ASGR2: variants seen among roughly 807,000 people sequenced by gnomAD.
ASGR2 encodes the protein asialoglycoprotein receptor 2.
In ASGR2, 34 loss-of-function variants were observed where a neutral mutation model predicts 32.3. The observed-to-expected ratio is 1.05, with a 90% CI of 0.80 to 1.40. ASGR2 has a LOEUF of 1.40. ASGR2 is among the 40% of genes most tolerant of loss of function. The pLI is 0.00. For synonymous variants in ASGR2, 143 were observed against 150.0 expected (o/e 0.95, Z 0.34); for missense variants, 385 against 386.4 (o/e 1.00, Z 0.03).
chr17:7,114,770 T>C lies in ASGR2; in HGVS notation c.-226A>G, dbSNP rs1314356531. ...TCCGGGCAAGGCCTGCACTGGAGGG[T>C]CTGAGTGTCCAAGCTCTAACCTGGC... On this transcript the variant is annotated 5_prime_UTR_variant, in exon 1 of 9. Coordinates refer to ENST00000691900, the MANE Select transcript of ASGR2 (RefSeq NM_001201352.2). This position sits in a 1 kb window ranked among gnomAD's most constrained non-coding sequence, Gnocchi z 4.5. The C allele has an allele frequency of 2.0e-6, 2 of 991,820 alleles. No homozygotes were observed. The allele number at this position is 991,820 out of a possible 1,614,324, so 61.4% of individuals were successfully genotyped here.
At chr17:7,104,061 A>C (rs1453301058) in intron 7 of ASGR2, among the ~76,000 whole-genome samples, 1 of 151,992 alleles carries the variant, frequency 6.6e-6, no homozygotes, top group Admixed American at 6.6e-5. Context: ...CATACTAAAA[A>C]AAAAAGCCCA....
chr17:7,107,334 G>T lies in ASGR2; in HGVS notation c.410-17C>A. The T allele has an allele frequency of 1.9e-6, 3 of 1,610,396 alleles. No homozygotes were observed. In the African/African-American group the frequency reaches 4.0e-5, roughly 21 times the overall value. On this transcript the variant is annotated splice_polypyrimidine_tract_variant and intron_variant, in intron 5 of 8. Transcript: ENST00000691900. The surrounding 1 kb of genome is among the most constrained non-coding windows in gnomAD (Gnocchi z 5.0). ...CATCGTGATCTAGGACAGACAGGCT[G>T]AAAGTGCTGCCGGCAGGTGTGGTCC...
In ASGR2 at chr17:7,113,579, ACACT is replaced by A. The variant is rs1026776030; in HGVS notation, c.124+534_124+537del. On this transcript the variant is annotated intron_variant, in intron 2 of 8. Transcript: ENST00000691900. The surrounding 1 kb of genome is among the most constrained non-coding windows in gnomAD (Gnocchi z 5.1). Reference sequence around the variant, plus strand: ...CACACAACATACACACAACATACACACACTCACATACACAACATACACTCGCACA... The same window carrying A: ...CACACAACATACACACAACATACACACACATACACAACATACACTCGCACA... Among the ~76,000 whole-genome samples the A allele has an allele frequency of 6.6e-5, 10 of 151,718 alleles. No homozygotes were observed. Among genetic ancestry groups the A allele is most frequent in the East Asian group, 3.9e-4 (2 of 5,168 alleles).
intron 2 of ASGR2, among the ~76,000 whole-genome samples, chr17:7,111,862 G>A (rs11867628): frequency 1.8e-4 from 27 of 147,822 alleles, no homozygotes; most frequent in African/African-American, 6.8e-4. Flanking sequence ...CCTCTACATG[G>A]CAAAACCGTC....
intron 7 of ASGR2, among the ~76,000 whole-genome samples, chr17:7,103,171 A>G (rs750938507): frequency 6.6e-6 from 1 of 152,226 alleles, no homozygotes; most frequent in Non-Finnish European, 1.5e-5. Context: ...TCCTTCCAAC[A>G]GTATTTGAAG....
In ASGR2 at chr17:7,108,540, C is replaced by T; in HGVS notation, c.259G>A (p.Glu87Lys). Residue 87 changes from glutamate to lysine, a missense_variant, in exon 4 of 9, where the codon GAG becomes AAG. By Grantham distance (56) the Glu-to-Lys change is moderately conservative (BLOSUM62 1). Transcript: ENST00000691900. This position sits in a 1 kb window ranked among gnomAD's most constrained non-coding sequence, Gnocchi z 4.9. Reference sequence around the variant, plus strand: ...AAAGCTTCCTTCAGGCTCCGCAGCTCGGCTTGCAGCTGTGCACCTTGTCAG... The same window carrying T: ...AAAGCTTCCTTCAGGCTCCGCAGCTTGGCTTGCAGCTGTGCACCTTGTCAG... ...TGSQSAQLQA[E>K]LRSLKEAFSN... is the part of the protein sequence containing the mutation. 5 of 1,608,168 alleles carry T rather than the reference C, an allele frequency of 3.1e-6. No individual in the cohort carries two copies. The highest frequency in any genetic ancestry group is 3.4e-6 in the Non-Finnish European group (4 of 1,177,590).
At position 7,113,403 on chromosome 17, in the gene ASGR2, ACT is replaced by A. The variant is rs1430453275; in HGVS notation, c.124+712_124+713del. On this transcript the variant is annotated intron_variant, in intron 2 of 8. Transcript: ENST00000691900. The surrounding 1 kb of genome is among the most constrained non-coding windows in gnomAD (Gnocchi z 5.1). ...CACAACATACACACACAACACACAC[ACT>A]CGCACAACATACACACACGCACAAC... Among the ~76,000 whole-genome samples the A allele has an allele frequency of 2.7e-5, 4 of 150,592 alleles. No individual in the cohort carries two copies. The highest frequency in any genetic ancestry group is 6.6e-5 in the Admixed American group (1 of 15,062).
rs900628639 is a variant in ASGR2 at position 7,114,366 on chromosome 17, C to T, written c.-70-56G>A. 1.7e-5 allele frequency: 7 copies of T among 409,484 alleles called. No homozygotes were observed. Among genetic ancestry groups the T allele is most frequent in the East Asian group, 7.8e-5 (1 of 12,814 alleles). The allele number at this position is 409,484 out of a possible 1,614,324, so 25.4% of individuals were successfully genotyped here. On this transcript the variant is annotated intron_variant, in intron 1 of 8. Transcript: ENST00000691900. The surrounding 1 kb of genome is among the most constrained non-coding windows in gnomAD (Gnocchi z 4.5). ...TTGATGGTGGGATGGAACGCAGGGT[C>T]GGAGGGGTTCGGGGTGGTGGCCTGG...
In ASGR2 at chr17:7,107,760, C is replaced by T. The variant is rs577167945; in HGVS notation, c.409+76G>A. ...ACGCACACGTGCACACTACACACAC[C>T]GCACACGTACACACTACACACACCG... On this transcript the variant is annotated intron_variant, in intron 5 of 8. Transcript: ENST00000691900. This position sits in a 1 kb window ranked among gnomAD's most constrained non-coding sequence, Gnocchi z 5.0. The T allele has an allele frequency of 7.6e-6, 4 of 526,968 alleles. No individual in the cohort carries two copies. Among genetic ancestry groups the T allele is most frequent in the Middle Eastern group, 4.3e-4 (1 of 2,316 alleles). The allele number at this position is 526,968 out of a possible 1,614,324, so 32.6% of individuals were successfully genotyped here.
Position 7,108,639 on chromosome 17 carries a change from C to T in ASGR2, c.242-82G>A. 6.2e-7 allele frequency: 1 copy of T among 1,601,068 alleles called. No individual in the cohort carries two copies. Among genetic ancestry groups the T allele is most frequent in the Non-Finnish European group, 8.5e-7 (1 of 1,171,720 alleles). Reference sequence around the variant, plus strand: ...TCCATGTGACTGGCCCCTCAATGTCCCCGCATTTGCCCCAGCTTGTGCTCC... The same window carrying T: ...TCCATGTGACTGGCCCCTCAATGTCTCCGCATTTGCCCCAGCTTGTGCTCC... On this transcript the variant is annotated intron_variant, in intron 3 of 8. Coordinates refer to ENST00000691900, the MANE Select transcript of ASGR2 (RefSeq NM_001201352.2). The surrounding 1 kb of genome is among the most constrained non-coding windows in gnomAD (Gnocchi z 4.9).
In ASGR2 at chr17:7,102,126, T is replaced by C; in HGVS notation, c.719A>G (p.Lys240Arg). ...IGLTDSDGSW[K>R]WVDGTDYRHN... Reference sequence around the variant, plus strand: ...CCTATAGTCTGTGCCATCCACCCATTTCCAAGAGCCATCACTGTCCGTGAG... The same window carrying C: ...CCTATAGTCTGTGCCATCCACCCATCTCCAAGAGCCATCACTGTCCGTGAG... Residue 240 changes from lysine (K) to arginine (R), a missense_variant, in exon 8 of 9, where the codon AAA becomes AGA. Lys to Arg is a conservative substitution (Grantham distance 26). Transcript: ENST00000691900. 6.2e-7 allele frequency: 1 copy of C among 1,614,164 alleles called. No individual in the cohort carries two copies. Among genetic ancestry groups the C allele is most frequent in the Non-Finnish European group, 8.5e-7 (1 of 1,180,008 alleles).
intron 7 of ASGR2, among the ~76,000 whole-genome samples, chr17:7,104,217 G>A (rs2840110): frequency 0.044 from 6,745 of 151,868 alleles, 468 homozygotes; most frequent in African/African-American, 0.15. Context: ...GCGTGTTGGC[G>A]CATGCCTGTA....
intron 2 of ASGR2, among the ~76,000 whole-genome samples, chr17:7,112,425 G>A (rs1045731995): frequency 2.0e-5 from 3 of 151,996 alleles, no homozygotes; most frequent in Non-Finnish European, 2.9e-5. Flanking sequence ...GCCCATTCGC[G>A]TGAGCTCACT....
At chr17:7,103,525 T>C (rs1168422025) in intron 7 of ASGR2, among the ~76,000 whole-genome samples, 1 of 152,184 alleles carries the variant, frequency 6.6e-6, no homozygotes, top group Non-Finnish European at 1.5e-5. Context: ...AGAGGAGGAA[T>C]CAAATCATGC....
At position 7,101,739 on chromosome 17, in the gene ASGR2, T is replaced by A. The variant is rs35381090; in HGVS notation, c.757A>T (p.Asn253Tyr). Residue 253 changes from asparagine to tyrosine, a missense_variant and splice_region_variant, in exon 9 of 9, where the codon AAC becomes TAC. Transcript: ENST00000691900. Reference protein sequence around the residue: ...DGTDYRHNYKNWAVTQPDNWH... With the variant: ...DGTDYRHNYKYWAVTQPDNWH... ...TTATCTGGCTGAGTGACAGCCCAGT[T>A]CCTAAGGAGGCAAGAGAAAACTCGG... 1.2e-3 allele frequency: 2,005 copies of A among 1,612,928 alleles called. 22 individuals are homozygous for A. In the African/African-American group the frequency reaches 0.023, roughly 19 times the overall value.
At chr17:7,106,802 G>C (rs1247353020) in intron 7 of ASGR2, among the ~76,000 whole-genome samples, 198 bp downstream of exon 7, 1 of 152,004 alleles carries the variant, frequency 6.6e-6, no homozygotes, top group Non-Finnish European at 1.5e-5. Flanking sequence ...ACTTTGGGAG[G>C]CCGAGGCAGG....
intron 2 of ASGR2, among the ~76,000 whole-genome samples, chr17:7,111,996 C>T (rs1914720911): frequency 1.4e-5 from 1 of 71,258 alleles, no homozygotes; most frequent in South Asian, 5.4e-4. Flanking sequence ...TGAGTTGTGA[C>T]AAGCTACTGC....
In ASGR2 at chr17:7,114,341, T is replaced by C. The variant is rs1426453055; in HGVS notation, c.-70-31A>G. ...GCAGAGGTGCAGATTCACGTGGAGG[T>C]TGATGGTGGGATGGAACGCAGGGTC... On this transcript the variant is annotated intron_variant, in intron 1 of 8. Coordinates refer to ENST00000691900, the MANE Select transcript of ASGR2 (RefSeq NM_001201352.2). This position sits in a 1 kb window ranked among gnomAD's most constrained non-coding sequence, Gnocchi z 4.5. The C allele has an allele frequency of 5.3e-6, 8 of 1,517,056 alleles. No individual in the cohort carries two copies. The highest frequency in any genetic ancestry group is 7.0e-6 in the Non-Finnish European group (8 of 1,136,824). The allele number at this position is 1,517,056 out of a possible 1,614,324, so 94.0% of individuals were successfully genotyped here.
At position 7,113,819 on chromosome 17, in the gene ASGR2, C is replaced by T. The variant is rs1178766908; in HGVS notation, c.124+298G>A. 6.7e-6 allele frequency among the ~76,000 whole-genome samples: 1 copy of T among 149,678 alleles called. No homozygotes were observed. Among genetic ancestry groups the T allele is most frequent in the African/African-American group, 2.5e-5 (1 of 40,814 alleles). ...ATTCACTCACACACACACACAGAGT[C>T]CCAGCTGAATCTGCATTCCTCATAT... On this transcript the variant is annotated intron_variant, in intron 2 of 8. Transcript: ENST00000691900. This position sits in a 1 kb window ranked among gnomAD's most constrained non-coding sequence, Gnocchi z 5.1.
Sources: gnomAD v4.1 joint callset for allele counts (sites outside exome capture counted in the v4.1 genomes callset) on GRCh38, gnomAD v4.1.1 for gene constraint, Gnocchi (gnomAD v3.1) non-coding constraint, MANE v1.5 for transcripts, NCBI Gene and HGNC (gene_info 2026-07-23, HGNC 2026-07-21) for gene names.